Variants in LCA5 observed in about 807,000 individuals in gnomAD.
LCA5 encodes lebercilin.
In LCA5, 37 loss-of-function variants were observed where a neutral mutation model predicts 53.0. That is an observed-to-expected ratio of 0.70 (90% CI 0.54 to 0.92). The LOEUF (loss-of-function observed/expected upper bound fraction) is 0.92, where lower values mean the gene tolerates loss of function less well. LCA5 is among the 40% of genes least tolerant of loss of function. The probability of loss-of-function intolerance (pLI) is 0.00; values close to 1 mark genes in which losing one functional copy is unlikely to be tolerated. For missense variants in LCA5, 806 were observed against 790.5 expected (o/e 1.02, Z -0.23); for synonymous variants, 303 against 282.9 (o/e 1.07, Z -0.71).
chr6:79,520,466 A>T (rs1282441483), intron 1 of LCA5, among the ~76,000 whole-genome samples: 1 of 152,186 alleles, frequency 6.6e-6, no homozygotes, highest in African/African-American at 2.4e-5. Flanking sequence ...CTGCCTGACA[A>T]CATGGATTTT....
chr6:79,517,381 A>C (rs984151144), intron 2 of LCA5, among the ~76,000 whole-genome samples: 14 of 152,102 alleles, frequency 9.2e-5, no homozygotes, highest in Admixed American at 3.3e-4. Flanking sequence ...ATGAAGAAAA[A>C]AATTAAAGTA....
chr6:79,533,633 G>A, intron 1 of LCA5, among the ~76,000 whole-genome samples: 1 of 146,836 alleles, frequency 6.8e-6, no homozygotes, highest in Non-Finnish European at 1.5e-5. Flanking sequence ...CACATAACAG[G>A]TCAAAAAAAA....
At chr6:79,518,682 A>G in intron 2 of LCA5, 23 bp downstream of exon 2, 4 of 1,610,894 alleles carry the variant, frequency 2.5e-6, no homozygotes, top group Non-Finnish European at 3.4e-6. Context: ...TAGGTCCACC[A>G]GACTCTTTTA....
intron 1 of LCA5, among the ~76,000 whole-genome samples, chr6:79,536,221 T>G (rs929195549): frequency 6.6e-6 from 1 of 152,068 alleles, no homozygotes; most frequent in African/African-American, 2.4e-5. Context: ...GAAAAAAACA[T>G]AGATTAAAAT....
Position 79,519,034 on chromosome 6 carries a change from G to A in LCA5, c.-140C>T. On this transcript the variant is annotated 5_prime_UTR_variant, in exon 2 of 8. Coordinates refer to ENST00000369846, the MANE Select transcript of LCA5 (RefSeq NM_001122769.3). The stretch of plus-strand genomic sequence containing the variant: ...CTGTGCAATCTATTTTCTCCACAAT[G>A]TATTTGTAGACCACAATTCACATTG... 1 of 925,308 alleles carries A rather than the reference G, an allele frequency of 1.1e-6. No homozygotes were observed. The highest frequency in any genetic ancestry group is 1.7e-6 in the Non-Finnish European group (1 of 573,746). The allele number at this position is 925,308 out of a possible 1,614,324, so 57.3% of individuals were successfully genotyped here.
At chr6:79,534,594 A>G (rs538960663) in intron 1 of LCA5, among the ~76,000 whole-genome samples, 8 of 152,314 alleles carry the variant, frequency 5.3e-5, no homozygotes, top group African/African-American at 1.9e-4. Context: ...TAATGATAAA[A>G]GGAAGCAGAG....
chr6:79,526,946 G>A (rs936609415), intron 1 of LCA5, among the ~76,000 whole-genome samples: 2 of 152,046 alleles, frequency 1.3e-5, no homozygotes, highest in East Asian at 1.9e-4. Context: ...TTATAAACTG[G>A]CCATATCCTC....
At chr6:79,528,294 G>T (rs76165264) in intron 1 of LCA5, among the ~76,000 whole-genome samples, 4,006 of 152,154 alleles carry the variant, frequency 0.026, 64 homozygotes, top group Middle Eastern at 0.071. Context: ...CTCTCTAGGT[G>T]GGGGGCAGAG....
In LCA5 at chr6:79,486,828, AAACT is replaced by A; in HGVS notation, c.*172_*175del. On this transcript the variant is annotated 3_prime_UTR_variant, in exon 8 of 8. Coordinates refer to ENST00000369846, the MANE Select transcript of LCA5 (RefSeq NM_001122769.3). ...CAAAAAAGCCTCCTTCATTCTTGGC[AAACT>A]ATCTATGTGGTGTATGTATGATCTA... 2.0e-6 allele frequency: 1 copy of A among 511,430 alleles called. No homozygotes were observed. Among genetic ancestry groups the A allele is most frequent in the Non-Finnish European group, 3.3e-6 (1 of 301,526 alleles). 31.7% of individuals were successfully genotyped at this position (511,430 alleles called of 1,614,324 possible). A position where few individuals can be genotyped will look rare whatever the true frequency, so the allele number is the denominator to read the frequency against.
chr6:79,498,147 T>C lies in LCA5; in HGVS notation c.721-4397A>G, dbSNP rs144471925. Among the ~76,000 whole-genome samples, 758 of 146,596 alleles carry C rather than the reference T, an allele frequency of 5.2e-3. 6 individuals carry two copies. Among genetic ancestry groups the C allele is most frequent in the Admixed American group, 9.6e-3 (138 of 14,344 alleles). ...ATGCATTTAGGGGTAAAGAGCATGA[T>C]GTATGCAAGTTACCCTCAAATAGCT... is the stretch of plus-strand genomic sequence containing the variant. On this transcript the variant is annotated intron_variant, in intron 3 of 7. Transcript: ENST00000369846.
upstream of LCA5, among the ~76,000 whole-genome samples, chr6:79,537,901 T>A (rs1767203796): frequency 6.6e-6 from 1 of 151,906 alleles, no homozygotes; most frequent in African/African-American, 2.4e-5. Flanking sequence ...GCACTATTGT[T>A]CCTGCCTCGA....
At chr6:79,492,670 T>G (rs1361769026) in intron 4 of LCA5, 23 bp from the exon 5 acceptor site, 1 of 1,219,704 alleles carries the variant, frequency 8.2e-7, no homozygotes, top group South Asian at 1.3e-5. Flanking sequence ...GCAATACAAT[T>G]AAGGAAGTAG....
chr6:79,494,769 A>G (rs1769934401), intron 3 of LCA5, among the ~76,000 whole-genome samples: 1 of 152,176 alleles, frequency 6.6e-6, no homozygotes, highest in Non-Finnish European at 1.5e-5. Flanking sequence ...TCTGCTGTTC[A>G]TTATTAGGGT....
Position 79,519,032 on chromosome 6 carries a change from A to G in LCA5, c.-138T>C. The stretch of plus-strand genomic sequence containing the variant: ...TTCTGTGCAATCTATTTTCTCCACA[A>G]TGTATTTGTAGACCACAATTCACAT... On this transcript the variant is annotated 5_prime_UTR_variant, in exon 2 of 8. Transcript: ENST00000369846. The G allele has an allele frequency of 1.1e-6, 1 of 947,062 alleles. No individual in the cohort carries two copies. Among genetic ancestry groups the G allele is most frequent in the Non-Finnish European group, 1.7e-6 (1 of 591,402 alleles). 58.7% of individuals were successfully genotyped at this position (947,062 alleles called of 1,614,324 possible).
intron 6 of LCA5, among the ~76,000 whole-genome samples, chr6:79,490,513 TA>T (rs1769807812): frequency 6.6e-6 from 1 of 152,118 alleles, no homozygotes. Context: ...ATGTATACTG[TA>T]AAAAGACCTA....
intron 2 of LCA5, among the ~76,000 whole-genome samples, chr6:79,514,397 G>A (rs1486818044): frequency 6.6e-5 from 10 of 152,000 alleles, no homozygotes; most frequent in Non-Finnish European, 1.5e-5. Context: ...AAAAAGGATC[G>A]CATATACACT....
At chr6:79,530,056 G>T (rs1298442767) in intron 1 of LCA5, among the ~76,000 whole-genome samples, 2 of 151,842 alleles carry the variant, frequency 1.3e-5, no homozygotes. Context: ...ATATACATAT[G>T]TAACAAACCT....
chr6:79,537,651 C>G (rs528808718), upstream of LCA5, among the ~76,000 whole-genome samples: 29 of 152,254 alleles, frequency 1.9e-4, no homozygotes, highest in Admixed American at 5.2e-4. Context: ...ACGGGCTGTG[C>G]GGTGCCAGGG....
intron 1 of LCA5, chr6:79,525,403 T>A (rs1766754883): frequency 6.6e-6 from 1 of 152,232 alleles, no homozygotes; most frequent in Non-Finnish European, 1.5e-5. Flanking sequence ...CTATCATAAA[T>A]ATCCTGTTCA....
Sources: allele counts gnomAD v4.1 joint callset (sites outside exome capture counted in the v4.1 genomes callset), GRCh38; gene constraint gnomAD v4.1.1; transcripts MANE v1.5; gene names NCBI Gene and HGNC (gene_info 2026-07-23, HGNC 2026-07-21).